The following WWP1 variants were observed in gnomAD, a reference collection of about 807,000 sequenced individuals.
The protein encoded by WWP1 is WW domain containing E3 ubiquitin protein ligase 1, also known as NEDD4-like E3 ubiquitin-protein ligase WWP1.
In WWP1, 49 loss-of-function variants were observed where a neutral mutation model predicts 130.6. The ratio of observed to expected loss-of-function variants is 0.38; its 90% CI spans 0.30 to 0.48. The LOEUF is 0.48. Among genes scored for constraint, WWP1 ranks in the 20% least tolerant of loss-of-function variants. The pLI, the probability that WWP1 is intolerant of heterozygous loss-of-function variation, is 0.99. For synonymous variants in WWP1, 332 were observed against 367.8 expected (o/e 0.90, Z 1.11); for missense variants, 809 against 1,100.6 (o/e 0.74, Z 3.75).
At chr8:86,401,549 T>TAA (rs11329718) in intron 7 of WWP1, among the ~76,000 whole-genome samples, 4 of 143,752 alleles carry the variant, frequency 2.8e-5, no homozygotes, top group African/African-American at 5.1e-5. Context: ...ATCCTGTCTC[T>TAA]AAAAAAAAAA....
chr8:86,451,120 C>T (rs1217341018), intron 20 of WWP1, among the ~76,000 whole-genome samples: 2 of 146,184 alleles, frequency 1.4e-5, no homozygotes, highest in Admixed American at 1.4e-4. Flanking sequence ...ACTTGTAGTC[C>T]CAGCCACTAT....
chr8:86,430,974 A>T (rs1175042681), intron 12 of WWP1, among the ~76,000 whole-genome samples: 1 of 139,950 alleles, frequency 7.1e-6, no homozygotes, highest in Non-Finnish European at 1.5e-5. Flanking sequence ...TCTGTATACT[A>T]TATAGAATAT....
chr8:86,424,805 G>C (rs1157677214), intron 9 of WWP1, among the ~76,000 whole-genome samples: 2 of 134,338 alleles, frequency 1.5e-5, no homozygotes, highest in African/African-American at 5.6e-5. Flanking sequence ...GAAAGAGAGG[G>C]AGAGGGAGAC....
At chr8:86,407,451 A>G (rs1038653284) in intron 8 of WWP1, among the ~76,000 whole-genome samples, 3 of 152,080 alleles carry the variant, frequency 2.0e-5, no homozygotes, top group Non-Finnish European at 4.4e-5. Flanking sequence ...TATTAATAGA[A>G]TGTTTAGCAG....
chr8:86,442,498 G>A (rs1240201329), intron 17 of WWP1, 121 bp from the exon 18 acceptor site: 1 of 912,748 alleles, frequency 1.1e-6, no homozygotes, highest in Middle Eastern at 3.7e-4. Context: ...CCAAAGAATT[G>A]GGCAGTGGAG....
intron 20 of WWP1, among the ~76,000 whole-genome samples, chr8:86,448,889 A>C (rs923892312): frequency 5.3e-5 from 8 of 152,168 alleles, no homozygotes; most frequent in Admixed American, 3.9e-4. Flanking sequence ...AGGCCGTCGT[A>C]GTGGCGTGAT....
chr8:86,411,735 A>G lies in WWP1; in HGVS notation c.922A>G (p.Arg308Gly). ...CAGTGCAGAATTGGAATCTGAAGCTAGAAGTATATTAGAGCCTGACACCTC... is the reference window on the plus strand; with the variant it reads ...CAGTGCAGAATTGGAATCTGAAGCTGGAAGTATATTAGAGCCTGACACCTC... ...STSAELESEA[R>G]SILEPDTSNS... is the part of the protein sequence containing the mutation. Residue 308 changes from arginine (R) to glycine (G), a missense_variant, in exon 9 of 25, where the codon AGA becomes GGA. Arg to Gly is a moderately radical substitution (Grantham distance 125). Coordinates refer to ENST00000517970, the MANE Select transcript of WWP1 (RefSeq NM_007013.4). 1 of 1,614,218 alleles carries G rather than the reference A, an allele frequency of 6.2e-7. No homozygotes were observed. Among genetic ancestry groups the G allele is most frequent in the South Asian group, 1.1e-5 (1 of 91,086 alleles).
At chr8:86,462,848 A>G (rs191463339) in intron 24 of WWP1, among the ~76,000 whole-genome samples, 69 of 151,984 alleles carry the variant, frequency 4.5e-4, no homozygotes, top group African/African-American at 1.5e-3. Context: ...TGCTACCTCT[A>G]TTCTTCAACA....
intron 17 of WWP1, chr8:86,440,684 AT>A: frequency 2.2e-6 from 1 of 454,188 alleles, no homozygotes; most frequent in Non-Finnish European, 4.4e-6. Context: ...GTCTTTGAAT[AT>A]TTTTTCTGTT....
chr8:86,409,226 C>CTTTTTTTTTTTTTTTTTT (rs1230976832), intron 8 of WWP1, among the ~76,000 whole-genome samples: 8 of 100,520 alleles, frequency 8.0e-5, no homozygotes, highest in African/African-American at 1.2e-4. Flanking sequence ...CTTTTTCTTT[C>CTTTTTTTTTTTTTTTTTT]TTTTTTTTTT....
At chr8:86,373,683 G>A (rs942783891) in intron 2 of WWP1, among the ~76,000 whole-genome samples, 2 of 152,186 alleles carry the variant, frequency 1.3e-5, no homozygotes, top group East Asian at 1.9e-4. Flanking sequence ...TAAAACATAC[G>A]TATATGCTTC....
At chr8:86,440,630 A>C in intron 17 of WWP1, 1 of 448,970 alleles carries the variant, frequency 2.2e-6, no homozygotes, top group Non-Finnish European at 4.4e-6. Flanking sequence ...TTTTAGGAAT[A>C]TATTAAGATC....
At chr8:86,413,284 G>A (rs1441378016) in intron 9 of WWP1, among the ~76,000 whole-genome samples, 1 of 152,106 alleles carries the variant, frequency 6.6e-6, no homozygotes, top group East Asian at 1.9e-4. Context: ...TGTGTCCCAT[G>A]TTTGGTAAAT....
At chr8:86,404,804 G>A (rs1808182415) in intron 8 of WWP1, among the ~76,000 whole-genome samples, 1 of 152,206 alleles carries the variant, frequency 6.6e-6, no homozygotes, top group South Asian at 2.1e-4. Context: ...GGAAGTAGAA[G>A]AACTGTAATT....
At chr8:86,383,528 G>A (rs777448348) in intron 5 of WWP1, among the ~76,000 whole-genome samples, 1 of 152,104 alleles carries the variant, frequency 6.6e-6, no homozygotes, top group Non-Finnish European at 1.5e-5. Flanking sequence ...GATCACCTGA[G>A]GTCAAGAGTT....
chr8:86,459,001 ATTCTTT>A lies in WWP1; in HGVS notation c.2499+991_2499+996del, dbSNP rs1373878447. ...CTTTATAAGTCTATACCTTGGAGTC[ATTCTTT>A]TTCTTTTTCTTTTTTCTTTTTTTTT... On this transcript the variant is annotated intron_variant, in intron 22 of 24. Coordinates refer to ENST00000517970, the MANE Select transcript of WWP1 (RefSeq NM_007013.4). 7.0e-3 allele frequency among the ~76,000 whole-genome samples: 995 copies of A among 142,608 alleles called. 16 individuals carry two copies. The highest frequency in any genetic ancestry group is 0.025 in the African/African-American group (941 of 38,174). The allele number at this position is 142,608 out of a possible 152,430, so 93.6% of individuals were successfully genotyped here.
At chr8:86,445,976 C>CTTTTCTTTTTTTTTTTTT (rs1216312552) in intron 18 of WWP1, among the ~76,000 whole-genome samples, 1 of 84,984 alleles carries the variant, frequency 1.2e-5, no homozygotes, top group African/African-American at 4.3e-5. Flanking sequence ...CTTTTCTTTT[C>CTTTTCTTTTTTTTTTTTT]TTTTTTTTTT....
intron 3 of WWP1, among the ~76,000 whole-genome samples, chr8:86,377,147 G>A (rs530107344): frequency 6.9e-4 from 105 of 151,958 alleles, no homozygotes; most frequent in Non-Finnish European, 1.3e-3. Flanking sequence ...GTGCAGTGGC[G>A]TGATCTTGGC....
intron 5 of WWP1, among the ~76,000 whole-genome samples, chr8:86,384,927 G>T (rs1208365713): frequency 6.6e-6 from 1 of 152,088 alleles, no homozygotes; most frequent in Non-Finnish European, 1.5e-5. Context: ...GGGAGGCTGA[G>T]GTGGGAGGAT....
Sources: allele counts gnomAD v4.1 joint callset (sites outside exome capture counted in the v4.1 genomes callset), GRCh38; gene constraint gnomAD v4.1.1; transcripts MANE v1.5; gene names NCBI Gene and HGNC (gene_info 2026-07-23, HGNC 2026-07-21).